The following UGT1A10 variants were observed in gnomAD, a reference collection of about 807,000 sequenced individuals.
UGT1A10 encodes the protein UDP glucuronosyltransferase family 1 member A10.
Under a neutral mutation model 45.8 loss-of-function variants are expected in UGT1A10, and 49 were observed. The observed-to-expected ratio is 1.07, with a 90% CI of 0.85 to 1.36. The LOEUF is 1.36. Among genes scored for constraint, UGT1A10 ranks in the 40% most tolerant of loss-of-function variants. UGT1A10 has a pLI of 0.00. For missense variants in UGT1A10, 745 were observed against 668.6 expected, an observed-to-expected ratio of 1.11 and a Z score of -1.26; for synonymous variants, 284 against 249.7, an observed-to-expected ratio of 1.14 and a Z score of -1.29.
intron 1 of UGT1A10, among the ~76,000 whole-genome samples, chr2:233,651,314 G>C (rs1486713767): frequency 6.6e-6 from 1 of 152,032 alleles, no homozygotes; most frequent in African/African-American, 2.4e-5. Context: ...GGGCTTCCGA[G>C]ATACGGAAAG....
intron 1 of UGT1A10, among the ~76,000 whole-genome samples, chr2:233,663,737 A>G (rs561104004): frequency 6.6e-6 from 1 of 152,324 alleles, no homozygotes; most frequent in African/African-American, 2.4e-5. Flanking sequence ...AAGTTGGTTC[A>G]GTCTATGTCC....
At chr2:233,664,135 C>G (rs1184825338) in intron 1 of UGT1A10, among the ~76,000 whole-genome samples, 1 of 152,160 alleles carries the variant, frequency 6.6e-6, no homozygotes, top group Non-Finnish European at 1.5e-5. Context: ...GACCTTTGCT[C>G]AAGTTCCAAA....
intron 1 of UGT1A10, among the ~76,000 whole-genome samples, chr2:233,649,465 G>T (rs1314990285): frequency 6.6e-6 from 1 of 152,102 alleles, no homozygotes; most frequent in South Asian, 2.1e-4. Flanking sequence ...TTGCAGTTTT[G>T]TATGCATGTG....
chr2:233,760,266 C>G (rs778145749), intron 1 of UGT1A10: 1 of 1,612,006 alleles, frequency 6.2e-7, no homozygotes. Flanking sequence ...GAGGGCGAAC[C>G]TCTGGCAGGA....
At chr2:233,747,683 T>C (rs1401123315) in intron 1 of UGT1A10, 4 of 1,608,556 alleles carry the variant, frequency 2.5e-6, no homozygotes, top group Middle Eastern at 1.7e-4. Flanking sequence ...TTTACCTCTG[T>C]GGGGCAGTGC....
intron 1 of UGT1A10, among the ~76,000 whole-genome samples, chr2:233,663,879 T>C (rs761701279): frequency 6.6e-6 from 1 of 152,168 alleles, no homozygotes; most frequent in African/African-American, 2.4e-5. Context: ...TTTGATTCTA[T>C]GAATTTCTCT....
chr2:233,724,557 GAT>G (rs2077281527), intron 1 of UGT1A10, among the ~76,000 whole-genome samples: 1 of 126,690 alleles, frequency 7.9e-6, no homozygotes, highest in Non-Finnish European at 1.7e-5. Flanking sequence ...TCACATCCCA[GAT>G]GGGGCGGCGG....
At position 233,682,739 on chromosome 2, in the gene UGT1A10, A is replaced by C. The variant is rs762762821; in HGVS notation, c.855+45362A>C. On this transcript the variant is annotated intron_variant, in intron 1 of 4. Coordinates refer to ENST00000344644, the MANE Select transcript of UGT1A10 (RefSeq NM_019075.4). ...GGAGTATCCCAAACCCGTGATGCCCAATATGATCTTCATTGGTGGTATCAA... is the reference window on the plus strand; with the variant it reads ...GGAGTATCCCAAACCCGTGATGCCCCATATGATCTTCATTGGTGGTATCAA... 65 of 1,613,808 alleles carry C rather than the reference A, an allele frequency of 4.0e-5. No individual in the cohort carries two copies. The highest frequency in any genetic ancestry group is 5.3e-5 in the Non-Finnish European group (63 of 1,179,824).
chr2:233,728,926 A>AAAAACTG (rs1334222423), intron 1 of UGT1A10, among the ~76,000 whole-genome samples: 4,919 of 152,266 alleles, frequency 0.032, 259 homozygotes, highest in African/African-American at 0.11. Flanking sequence ...GATAGTCATG[A>AAAAACTG]TCGGTCTTTT....
chr2:233,772,899 G>A lies in UGT1A10; in HGVS notation c.*340G>A, dbSNP rs1167184820. 6 of 428,920 alleles carry A rather than the reference G, an allele frequency of 1.4e-5. No homozygotes were observed. The highest frequency in any genetic ancestry group is 8.2e-5 in the African/African-American group (4 of 48,988). 26.6% of individuals were successfully genotyped at this position (428,920 alleles called of 1,614,324 possible). ...TGCGGGATTCAAAGGTGGTCCCACG[G>A]CTGCCCCTACTGCAAATGGCAGTTT... is the stretch of plus-strand genomic sequence containing the variant. On this transcript the variant is annotated 3_prime_UTR_variant, in exon 5 of 5. Coordinates refer to ENST00000344644, the MANE Select transcript of UGT1A10 (RefSeq NM_019075.4).
intron 1 of UGT1A10, among the ~76,000 whole-genome samples, chr2:233,646,133 A>G (rs759094074): frequency 2.0e-5 from 3 of 152,188 alleles, no homozygotes; most frequent in Admixed American, 6.5e-5. Flanking sequence ...TTCTGAAGCC[A>G]TGGTGTGAGC....
intron 1 of UGT1A10, among the ~76,000 whole-genome samples, chr2:233,701,595 T>G (rs557027411): frequency 7.9e-5 from 12 of 152,118 alleles, no homozygotes; most frequent in Non-Finnish European, 2.9e-5. Flanking sequence ...TAGTTGGAAG[T>G]AAAGCACTCC....
chr2:233,733,436 G>A (rs2078397447), intron 1 of UGT1A10, among the ~76,000 whole-genome samples: 1 of 152,134 alleles, frequency 6.6e-6, no homozygotes, highest in South Asian at 2.1e-4. Context: ...TATGATATTG[G>A]CTGCGGGTTT....
intron 1 of UGT1A10, among the ~76,000 whole-genome samples, chr2:233,689,485 C>T (rs78706067): frequency 6.6e-6 from 1 of 152,116 alleles, no homozygotes; most frequent in Non-Finnish European, 1.5e-5. Flanking sequence ...AAGAAGAAAT[C>T]GCAAATCAAT....
chr2:233,679,877 C>G (rs2074465039), intron 1 of UGT1A10, among the ~76,000 whole-genome samples: 1 of 152,124 alleles, frequency 6.6e-6, no homozygotes, highest in South Asian at 2.1e-4. Flanking sequence ...TTTCTTATAG[C>G]AATCCTACAC....
At chr2:233,693,594 C>G in intron 1 of UGT1A10, 5 of 1,614,202 alleles carry the variant, frequency 3.1e-6, no homozygotes, top group Non-Finnish European at 4.2e-6. Flanking sequence ...AGGTGCTACA[C>G]AAAGTTTTCA....
rs146825304 is a variant in UGT1A10, at chr2:233,749,948, G to C, written c.856-17086G>C. On this transcript the variant is annotated intron_variant, in intron 1 of 4. Transcript: ENST00000344644. ...AAAGCTCTTTCCTTTATGAATTACC[G>C]AGTCTTGGGTATGTCTTTATAGCAG... 4.8e-3 allele frequency among the ~76,000 whole-genome samples: 734 copies of C among 151,926 alleles called. 7 individuals carry two copies. The highest frequency in any genetic ancestry group is 4.2e-3 in the Non-Finnish European group (283 of 68,018).
Position 233,747,991 on chromosome 2 carries a change from A to C in UGT1A10, c.856-19043A>C, listed in dbSNP as rs532442400. On this transcript the variant is annotated intron_variant, in intron 1 of 4. Transcript: ENST00000344644. The stretch of plus-strand genomic sequence containing the variant: ...GCATCTGTGTGGCTGTTCCGAGGGG[A>C]CTTTGTGATGGATTACCCCAGGCCG... 1.5e-4 allele frequency: 241 copies of C among 1,612,988 alleles called. 4 individuals are homozygous for C. In the African/African-American group the frequency reaches 3.1e-3, roughly 21 times the overall value.
intron 1 of UGT1A10, among the ~76,000 whole-genome samples, chr2:233,668,246 C>T (rs571803758): frequency 3.3e-5 from 5 of 152,230 alleles, no homozygotes; most frequent in East Asian, 3.9e-4. Context: ...CGATATTCCC[C>T]GCCCTGTGTC....
Sources: gnomAD v4.1 joint callset for allele counts (sites outside exome capture counted in the v4.1 genomes callset) on GRCh38, gnomAD v4.1.1 for gene constraint, MANE v1.5 for transcripts, NCBI Gene and HGNC (gene_info 2026-07-23, HGNC 2026-07-21) for gene names.